Variants in ASPRV1 observed in about 807,000 individuals in gnomAD.
The protein encoded by ASPRV1 is aspartic peptidase retroviral like 1.
ASPRV1 carries 7 observed loss-of-function variants against 11.0 expected under a neutral mutation model. The observed-to-expected ratio is 0.64, with a 90% CI of 0.36 to 1.20. The LOEUF (loss-of-function observed/expected upper bound fraction) is 1.20. ASPRV1 is among the 50% of genes most tolerant of loss of function. The pLI, the probability that ASPRV1 is intolerant of heterozygous loss-of-function variation, is 0.02. For synonymous variants in ASPRV1, 136 were observed against 138.4 expected (o/e 0.98, Z 0.12); for missense variants, 299 against 320.0 (o/e 0.93, Z 0.50).
the ASPRV1 span, among the ~76,000 whole-genome samples, chr2:70,074,785 A>G: frequency 6.6e-6 from 1 of 151,616 alleles, no homozygotes; most frequent in East Asian, 2.0e-4. Flanking sequence ...TAACAGAGGT[A>G]AGAAAAGACT....
chr2:69,961,653 CT>C, upstream of ASPRV1: 2 of 1,570,728 alleles, frequency 1.3e-6, no homozygotes, highest in Non-Finnish European at 1.7e-6. Flanking sequence ...TCTGCAGAGC[CT>C]TTTTGATGCC....
chr2:69,951,551 C>T, the ASPRV1 span, among the ~76,000 whole-genome samples: 1 of 141,436 alleles, frequency 7.1e-6, no homozygotes, highest in African/African-American at 2.6e-5. Context: ...TATACACATA[C>T]ATATCATATA....
chr2:70,027,180 C>A, the ASPRV1 span, among the ~76,000 whole-genome samples: 5,632 of 143,754 alleles, frequency 0.039, 362 homozygotes, highest in African/African-American at 0.13. Flanking sequence ...ACCACTTGAG[C>A]CTGGGAGGTC....
the ASPRV1 span, among the ~76,000 whole-genome samples, chr2:69,951,921 C>A: frequency 2.0e-5 from 3 of 152,086 alleles, no homozygotes; most frequent in Non-Finnish European, 4.4e-5. Context: ...TTGTTAATAA[C>A]TTATACACTG....
the ASPRV1 span, among the ~76,000 whole-genome samples, chr2:70,007,678 A>G: frequency 1.3e-5 from 2 of 152,160 alleles, no homozygotes; most frequent in African/African-American, 4.8e-5. Flanking sequence ...TTGCATATAA[A>G]AAGAGCTATG....
the ASPRV1 span, among the ~76,000 whole-genome samples, chr2:69,950,613 G>A: frequency 6.6e-6 from 1 of 151,786 alleles, no homozygotes; most frequent in Non-Finnish European, 1.5e-5. Flanking sequence ...AGGCCAAGGC[G>A]GGTGGATCAC....
upstream of ASPRV1, chr2:69,964,343 G>C (rs1678261922): frequency 4.4e-6 from 2 of 455,930 alleles, no homozygotes; most frequent in Admixed American, 4.7e-5. Context: ...CTCCACAACA[G>C]AAACACGCAG....
chr2:70,080,798 T>C, the ASPRV1 span: 1 of 152,252 alleles, frequency 6.6e-6, no homozygotes, highest in Non-Finnish European at 1.5e-5. Context: ...CATATCTTTC[T>C]GAAATGACTA....
the ASPRV1 span, among the ~76,000 whole-genome samples, chr2:69,943,558 G>A: frequency 6.6e-6 from 1 of 152,208 alleles, no homozygotes; most frequent in Non-Finnish European, 1.5e-5. Context: ...CTTGTGGATT[G>A]CACAACTCAC....
chr2:69,969,842 C>T, the ASPRV1 span, among the ~76,000 whole-genome samples: 1 of 152,080 alleles, frequency 6.6e-6, no homozygotes, highest in Non-Finnish European at 1.5e-5. Context: ...AGCTCCAGTT[C>T]CACCTTAGAG....
chr2:70,013,558 C>A, the ASPRV1 span, among the ~76,000 whole-genome samples: 2 of 152,284 alleles, frequency 1.3e-5, no homozygotes, highest in Non-Finnish European at 2.9e-5. Flanking sequence ...CTATTATCTA[C>A]ATTTTTTTGT....
chr2:70,073,244 C>T, the ASPRV1 span: 3 of 152,078 alleles, frequency 2.0e-5, no homozygotes, highest in Non-Finnish European at 2.9e-5. Flanking sequence ...AAGGAGACTG[C>T]ATAAAATTAC....
chr2:70,040,201 C>T, the ASPRV1 span, among the ~76,000 whole-genome samples: 4 of 151,938 alleles, frequency 2.6e-5, no homozygotes, highest in East Asian at 3.9e-4. Flanking sequence ...CATCTAGAGA[C>T]AGTATATAGA....
At chr2:69,993,573 AC>A in the ASPRV1 span, 1 of 152,348 alleles carries the variant, frequency 6.6e-6, no homozygotes, top group Admixed American at 6.5e-5. Context: ...GAGCCACTCA[AC>A]AGCATCTTAT....
the ASPRV1 span, among the ~76,000 whole-genome samples, chr2:69,967,816 C>T: frequency 6.6e-6 from 1 of 152,194 alleles, no homozygotes; most frequent in Non-Finnish European, 1.5e-5. Flanking sequence ...CATGGTGGCT[C>T]ATGCCTGTAA....
At chr2:70,075,916 T>C in the ASPRV1 span, among the ~76,000 whole-genome samples, 5 of 151,718 alleles carry the variant, frequency 3.3e-5, no homozygotes, top group African/African-American at 1.2e-4. Context: ...ACCAGTCATG[T>C]GAAAAAATAA....
At chr2:70,024,821 G>A in the ASPRV1 span, among the ~76,000 whole-genome samples, 23 of 152,170 alleles carry the variant, frequency 1.5e-4, 1 homozygote, top group South Asian at 4.8e-3. Context: ...GAGTTCTAAG[G>A]CCTAACCCTC....
chr2:70,080,924 C>G, the ASPRV1 span: 1 of 152,248 alleles, frequency 6.6e-6, no homozygotes, highest in African/African-American at 2.4e-5. Flanking sequence ...TTACCTCAAC[C>G]TGCCCAGCAG....
the ASPRV1 span, among the ~76,000 whole-genome samples, chr2:69,995,025 T>A: frequency 0.046 from 6,804 of 149,128 alleles, 275 homozygotes; most frequent in African/African-American, 0.11. Context: ...ATAAATTAAT[T>A]AATTAATTAA....
Sources: gnomAD v4.1 joint callset for allele counts (sites outside exome capture counted in the v4.1 genomes callset) on GRCh38, gnomAD v4.1.1 for gene constraint, MANE v1.5 for transcripts, NCBI Gene and HGNC (gene_info 2026-07-23, HGNC 2026-07-21) for gene names.